Variants in KLHDC1 observed in about 807,000 individuals in gnomAD.
KLHDC1 encodes the protein kelch domain-containing protein 1.
A neutral mutation model predicts 68.3 loss-of-function variants in KLHDC1; 53 were observed. The observed-to-expected ratio is 0.78, with a 90% CI of 0.62 to 0.98. The LOEUF is 0.98. Ranked by LOEUF, KLHDC1 falls within the 50% of genes least tolerant of loss-of-function variation. The pLI is 0.00. For synonymous variants in KLHDC1, 148 were observed against 159.0 expected, an observed-to-expected ratio of 0.93 and a Z score of 0.52; for missense variants, 470 against 492.3, an observed-to-expected ratio of 0.95 and a Z score of 0.43.
rs759710205 is a variant in KLHDC1 at position 49,729,496 on chromosome 14, A to G, written c.658A>G (p.Arg220Gly). Residue 220 changes from arginine to glycine, a missense_variant, in exon 8 of 13, where the codon AGG (arginine) becomes GGG (glycine). Transcript: ENST00000359332. Reference sequence around the variant, plus strand: ...TAACACACTTTTCTTTTAGCAAACTAGGATGAATGATTTGCACTATCTAAA... The same window carrying G: ...TAACACACTTTTCTTTTAGCAAACTGGGATGAATGATTTGCACTATCTAAA... ...YIFGGRVLQT[R>G]MNDLHYLNLD... 2 of 1,608,498 alleles carry G rather than the reference A, an allele frequency of 1.2e-6. No individual in the cohort carries two copies. Among genetic ancestry groups the G allele is most frequent in the African/African-American group, 2.7e-5 (2 of 74,806 alleles).
At chr14:49,705,365 C>CTTTTTTTTTTTTCTTTTTTTT (rs1888021349) in intron 1 of KLHDC1, among the ~76,000 whole-genome samples, 1 of 71,658 alleles carries the variant, frequency 1.4e-5, no homozygotes, top group Non-Finnish European at 2.4e-5. Context: ...TTCTTTCTTT[C>CTTTTTTTTTTTTCTTTTTTTT]TTTTTTTTTT....
chr14:49,743,567 A>G (rs752911339), intron 11 of KLHDC1, among the ~76,000 whole-genome samples, 186 bp from the exon 12 acceptor site: 5 of 152,302 alleles, frequency 3.3e-5, no homozygotes, highest in Non-Finnish European at 5.9e-5. Flanking sequence ...TGTAGGTAGC[A>G]GGTATATGTA....
At chr14:49,703,173 A>T (rs544239492) in intron 1 of KLHDC1, among the ~76,000 whole-genome samples, 3 of 152,172 alleles carry the variant, frequency 2.0e-5, no homozygotes, top group South Asian at 4.1e-4. Flanking sequence ...ATTGTTTATT[A>T]TGCAGGATAA....
intron 12 of KLHDC1, among the ~76,000 whole-genome samples, chr14:49,747,268 C>G (rs1019316923): frequency 1.3e-5 from 2 of 152,148 alleles, no homozygotes; most frequent in Admixed American, 6.6e-5. Context: ...TCATATCCAG[C>G]CTAGTTCACC....
At chr14:49,693,742 C>CTTTTTTTTTTT (rs1566589138) in intron 1 of KLHDC1, among the ~76,000 whole-genome samples, 4 of 60,920 alleles carry the variant, frequency 6.6e-5, no homozygotes, top group African/African-American at 1.6e-4. Flanking sequence ...ATTTTCTTTT[C>CTTTTTTTTTTT]TTTTTCTTTT....
intron 1 of KLHDC1, among the ~76,000 whole-genome samples, chr14:49,705,583 C>G (rs1888030581): frequency 6.6e-6 from 1 of 151,778 alleles, no homozygotes; most frequent in Admixed American, 6.6e-5. Context: ...ATTGGCCAGG[C>G]TGCTCTCGAA....
intron 1 of KLHDC1, 111 bp from the exon 2 acceptor site, chr14:49,709,048 C>T: frequency 5.5e-6 from 3 of 548,620 alleles, no homozygotes; most frequent in Non-Finnish European, 9.6e-6. Context: ...ATCCTTGAGC[C>T]TTCTTTTGTG....
chr14:49,704,380 C>CTT (rs1887989023), intron 1 of KLHDC1, among the ~76,000 whole-genome samples: 2 of 120,534 alleles, frequency 1.7e-5, no homozygotes, highest in African/African-American at 3.0e-5. Context: ...ATTTTTTTTC[C>CTT]TTTTCTGTTT....
chr14:49,693,949 C>G (rs1219533575), intron 1 of KLHDC1, among the ~76,000 whole-genome samples: 1 of 151,176 alleles, frequency 6.6e-6, no homozygotes, highest in Non-Finnish European at 1.5e-5. Flanking sequence ...GACAGGGTTT[C>G]CCATGTTGGT....
chr14:49,696,084 A>G (rs1405852658), intron 1 of KLHDC1, among the ~76,000 whole-genome samples: 1 of 150,056 alleles, frequency 6.7e-6, no homozygotes, highest in Non-Finnish European at 1.5e-5. Context: ...AAAAAAAAAA[A>G]TCTATTGTTT....
chr14:49,719,589 C>T (rs1196886730), intron 4 of KLHDC1, among the ~76,000 whole-genome samples: 3 of 151,564 alleles, frequency 2.0e-5, no homozygotes, highest in Admixed American at 1.3e-4. Context: ...CTACCATGCT[C>T]GGCTAATTTA....
chr14:49,718,893 C>T (rs1888453724), intron 4 of KLHDC1, among the ~76,000 whole-genome samples: 1 of 149,126 alleles, frequency 6.7e-6, no homozygotes, highest in Admixed American at 6.8e-5. Context: ...TCTCCTGCCT[C>T]AGCCTCCCAA....
chr14:49,748,066 A>T lies in KLHDC1; in HGVS notation c.1035-3520A>T, dbSNP rs1006234204. 2.2e-4 allele frequency among the ~76,000 whole-genome samples: 34 copies of T among 152,174 alleles called. 1 individual carries two copies. Among genetic ancestry groups the T allele is most frequent in the Non-Finnish European group, 4.4e-5 (3 of 68,032 alleles). Reference sequence around the variant, plus strand: ...GTAAGGGAATGTAAGAATTAAAAGGATAAGAGGTTTCTGGTCCAAGAGGAG... The same window carrying T: ...GTAAGGGAATGTAAGAATTAAAAGGTTAAGAGGTTTCTGGTCCAAGAGGAG... On this transcript the variant is annotated intron_variant, in intron 12 of 12. Coordinates refer to ENST00000359332, the MANE Select transcript of KLHDC1 (RefSeq NM_172193.3).
chr14:49,735,166 A>T (rs868099916), intron 10 of KLHDC1, among the ~76,000 whole-genome samples: 9 of 151,920 alleles, frequency 5.9e-5, no homozygotes, highest in African/African-American at 2.2e-4. Context: ...AAAATACGTT[A>T]TTTATGGTAT....
In KLHDC1 at chr14:49,704,387, G is replaced by GTTTTTTTTTTTTTTTTTTTTTT. The variant is rs35067251; in HGVS notation, c.97-4769_97-4748dup. Among the ~76,000 whole-genome samples the GTTTTTTTTTTTTTTTTTTTTTT allele has an allele frequency of 4.4e-5, 3 of 68,690 alleles. 1 individual carries two copies. The highest frequency in any genetic ancestry group is 4.6e-4 in the East Asian group (1 of 2,184). 45.1% of individuals were successfully genotyped at this position (68,690 alleles called of 152,430 possible). On this transcript the variant is annotated intron_variant, in intron 1 of 12. Transcript: ENST00000359332. ...GTCTTTTTATTTTTTTTCCTTTTCT[G>GTTTTTTTTTTTTTTTTTTTTTT]TTTTTTTTTTTTTTTTTTTTTTTTG...
chr14:49,699,780 T>C (rs923663263), intron 1 of KLHDC1, among the ~76,000 whole-genome samples: 2 of 152,132 alleles, frequency 1.3e-5, no homozygotes, highest in African/African-American at 4.8e-5. Flanking sequence ...AAAAAGTAAA[T>C]GGTCGATTCT....
At chr14:49,730,221 G>A (rs918065080) in intron 8 of KLHDC1, among the ~76,000 whole-genome samples, 4 of 108,280 alleles carry the variant, frequency 3.7e-5, no homozygotes, top group Non-Finnish European at 7.3e-5. Flanking sequence ...AATATTTGCA[G>A]GTTTTTTTTT....
intron 11 of KLHDC1, 80 bp downstream of exon 11, chr14:49,740,262 A>T: frequency 1.3e-6 from 1 of 760,512 alleles, no homozygotes; most frequent in Non-Finnish European, 2.2e-6. Flanking sequence ...AAGAATGTTG[A>T]TATTCTAACA....
At chr14:49,738,558 C>A (rs927274327) in intron 10 of KLHDC1, among the ~76,000 whole-genome samples, 9 of 152,012 alleles carry the variant, frequency 5.9e-5, no homozygotes, top group Admixed American at 3.3e-4. Context: ...CCATGTTGGC[C>A]AAGCTAGTCT....
Sources: allele counts gnomAD v4.1 joint callset (sites outside exome capture counted in the v4.1 genomes callset), GRCh38; gene constraint gnomAD v4.1.1; transcripts MANE v1.5; gene names NCBI Gene and HGNC (gene_info 2026-07-23, HGNC 2026-07-21).